KCNH5: variants seen among roughly 807,000 people sequenced by gnomAD.
KCNH5 encodes the protein potassium voltage-gated channel subfamily H member 5.
In KCNH5, 46 loss-of-function variants were observed where a neutral mutation model predicts 96.1. The observed-to-expected ratio is 0.48, with a 90% CI of 0.38 to 0.61. The LOEUF is 0.61. Among genes scored for constraint, KCNH5 ranks in the 20% least tolerant of loss-of-function variants. The probability of loss-of-function intolerance (pLI) is 0.00; values close to 1 mark genes in which losing one functional copy is unlikely to be tolerated. For synonymous variants in KCNH5, 439 were observed against 449.8 expected (o/e 0.98, Z 0.30); for missense variants, 907 against 1,225.8 (o/e 0.74, Z 3.88).
At chr14:62,972,773 A>C (rs185024210) in intron 6 of KCNH5, among the ~76,000 whole-genome samples, 2 of 152,336 alleles carry the variant, frequency 1.3e-5, no homozygotes, top group Non-Finnish European at 2.9e-5. Flanking sequence ...GCTACAAACT[A>C]TCTGATTCTA....
intron 7 of KCNH5, among the ~76,000 whole-genome samples, chr14:62,881,101 C>A (rs1357807088): frequency 6.6e-6 from 1 of 152,160 alleles, no homozygotes; most frequent in Non-Finnish European, 1.5e-5. Flanking sequence ...CAATAAAATG[C>A]TTATGCATTA....
chr14:62,794,426 C>T (rs191542308), intron 9 of KCNH5, among the ~76,000 whole-genome samples: 3 of 151,200 alleles, frequency 2.0e-5, no homozygotes, highest in South Asian at 2.1e-4. Flanking sequence ...AAAGCATGCA[C>T]ATAATGTCAG....
chr14:62,965,969 G>A (rs1890297670), intron 6 of KCNH5, among the ~76,000 whole-genome samples: 1 of 152,078 alleles, frequency 6.6e-6, no homozygotes, highest in Non-Finnish European at 1.5e-5. Flanking sequence ...GTAATCTATG[G>A]TAAAATAATT....
intron 10 of KCNH5, among the ~76,000 whole-genome samples, chr14:62,752,127 A>G (rs1885514601): frequency 6.6e-6 from 1 of 152,044 alleles, no homozygotes; most frequent in Non-Finnish European, 1.5e-5. Flanking sequence ...TGATAGTTCC[A>G]CTTTGGGTCT....
At chr14:63,038,004 C>T (rs745788695) in intron 1 of KCNH5, among the ~76,000 whole-genome samples, 16 of 152,158 alleles carry the variant, frequency 1.1e-4, no homozygotes, top group Non-Finnish European at 2.1e-4. Flanking sequence ...TTCAGCCGCA[C>T]CTCAATTTGG....
At chr14:63,001,002 G>C (rs944354654) in intron 4 of KCNH5, among the ~76,000 whole-genome samples, 2 of 152,158 alleles carry the variant, frequency 1.3e-5, no homozygotes, top group Admixed American at 6.5e-5. Context: ...TTGAGACTGG[G>C]AGATGGAAAT....
intron 7 of KCNH5, among the ~76,000 whole-genome samples, chr14:62,908,085 T>A (rs1455564159): frequency 3.3e-5 from 5 of 152,194 alleles, no homozygotes; most frequent in Non-Finnish European, 7.3e-5. Context: ...CAAACTTTTG[T>A]GGGTAATGGA....
At chr14:62,832,372 A>G (rs1887371460) in intron 8 of KCNH5, among the ~76,000 whole-genome samples, 1 of 152,086 alleles carries the variant, frequency 6.6e-6, no homozygotes, top group Non-Finnish European at 1.5e-5. Context: ...TTGTCCTTTA[A>G]TGATTGGTTT....
chr14:62,866,809 C>A (rs1167261744), intron 7 of KCNH5, among the ~76,000 whole-genome samples: 1 of 152,040 alleles, frequency 6.6e-6, no homozygotes, highest in Non-Finnish European at 1.5e-5. Flanking sequence ...GGTCACTTCT[C>A]CTCATCCACA....
At chr14:62,903,150 G>C (rs933010272) in intron 7 of KCNH5, among the ~76,000 whole-genome samples, 2 of 152,166 alleles carry the variant, frequency 1.3e-5, no homozygotes, top group Non-Finnish European at 2.9e-5. Context: ...TTGTGTGTAG[G>C]AGTACAATAC....
At chr14:62,724,507 A>G (rs1884882452) in intron 10 of KCNH5, among the ~76,000 whole-genome samples, 1 of 152,150 alleles carries the variant, frequency 6.6e-6, no homozygotes, top group Non-Finnish European at 1.5e-5. Flanking sequence ...TACTTGCCCC[A>G]TTTTCCAGGT....
chr14:62,781,525 G>GTCT (rs1321024780), intron 9 of KCNH5, among the ~76,000 whole-genome samples: 5 of 152,174 alleles, frequency 3.3e-5, no homozygotes, highest in African/African-American at 1.2e-4. Flanking sequence ...TCGACCGTAA[G>GTCT]AGACGGCCAC....
At chr14:62,722,076 T>C (rs1884828023) in intron 10 of KCNH5, among the ~76,000 whole-genome samples, 2 of 152,210 alleles carry the variant, frequency 1.3e-5, no homozygotes, top group African/African-American at 4.8e-5. Flanking sequence ...AATATCATCA[T>C]TTTAATTCTA....
At chr14:62,974,487 TTA>T (rs1304515956) in intron 6 of KCNH5, among the ~76,000 whole-genome samples, 1 of 152,162 alleles carries the variant, frequency 6.6e-6, no homozygotes, top group Non-Finnish European at 1.5e-5. Flanking sequence ...TTTAGAAAAT[TTA>T]TGTTCCTTCT....
At chr14:62,847,051 C>A (rs1420297247) in intron 8 of KCNH5, among the ~76,000 whole-genome samples, 1 of 149,108 alleles carries the variant, frequency 6.7e-6, no homozygotes, top group Non-Finnish European at 1.5e-5. Flanking sequence ...CCGCCCACCT[C>A]GGCCTCCCAA....
chr14:62,995,199 C>T (rs974966097), intron 4 of KCNH5, among the ~76,000 whole-genome samples: 2 of 151,938 alleles, frequency 1.3e-5, no homozygotes, highest in African/African-American at 4.8e-5. Flanking sequence ...AATGTTAATT[C>T]CAGTCAATTT....
chr14:63,000,938 G>GGTGGC (rs2139590639), intron 4 of KCNH5, among the ~76,000 whole-genome samples: 1 of 152,286 alleles, frequency 6.6e-6, no homozygotes, highest in Non-Finnish European at 1.5e-5. Context: ...AGCCAGGTAT[G>GGTGGC]GTGGCGCACA....
intron 6 of KCNH5, among the ~76,000 whole-genome samples, chr14:62,956,126 C>T (rs1890099484): frequency 1.3e-5 from 2 of 152,124 alleles, no homozygotes; most frequent in African/African-American, 2.4e-5. Flanking sequence ...CTCCAATGCC[C>T]GCAATCCCAT....
chr14:63,012,786 GAA>G (rs568190188), intron 2 of KCNH5, among the ~76,000 whole-genome samples: 24 of 151,848 alleles, frequency 1.6e-4, no homozygotes, highest in Non-Finnish European at 3.5e-4. Flanking sequence ...AATGGTGAAT[GAA>G]AAGAGTAAGA....
Sources: allele counts gnomAD v4.1 joint callset (sites outside exome capture counted in the v4.1 genomes callset), GRCh38; gene constraint gnomAD v4.1.1; transcripts MANE v1.5; gene names NCBI Gene and HGNC (gene_info 2026-07-23, HGNC 2026-07-21).